Variants in PHF11 observed in about 807,000 individuals in gnomAD.
PHF11 encodes the protein PHD finger protein 11.
In PHF11, 38 loss-of-function variants were observed where a neutral mutation model predicts 40.5. The ratio of observed to expected loss-of-function variants is 0.94; its 90% CI spans 0.72 to 1.23. PHF11 has a LOEUF of 1.23. Ranked by LOEUF, PHF11 falls within the 50% of genes most tolerant of loss-of-function variation. PHF11 has a pLI of 0.00. For missense variants in PHF11, 369 were observed against 392.4 expected (o/e 0.94, Z 0.50); for synonymous variants, 127 against 138.2 (o/e 0.92, Z 0.57).
Position 49,498,627 on chromosome 13 carries a change from G to C in PHF11, c.94+2532G>C, listed in dbSNP as rs1958857652. 2.0e-5 allele frequency among the ~76,000 whole-genome samples: 3 copies of C among 152,144 alleles called. 1 individual carries two copies. In the South Asian group the frequency reaches 6.2e-4, roughly 31 times the overall value. Reference sequence around the variant, plus strand: ...TCTGACAGTAGCATAGTGCATTTCAGGTAGATCATTCTGACAGTAACGTAA... The same window carrying C: ...TCTGACAGTAGCATAGTGCATTTCACGTAGATCATTCTGACAGTAACGTAA... On this transcript the variant is annotated intron_variant, in intron 1 of 9. Transcript: ENST00000378319.
intron 5 of PHF11, chr13:49,521,527 C>A: frequency 1.0e-6 from 1 of 978,070 alleles, no homozygotes; most frequent in Non-Finnish European, 1.2e-6. Flanking sequence ...AATAGCACCT[C>A]TACAATCATT....
At chr13:49,496,788 C>T (rs555898002) in intron 1 of PHF11, among the ~76,000 whole-genome samples, 2 of 144,958 alleles carry the variant, frequency 1.4e-5, no homozygotes, top group African/African-American at 5.1e-5. Context: ...GACTCCCAGT[C>T]TTCAGGGAAA....
In PHF11 at chr13:49,524,193, T is replaced by C. The variant is rs752822066; in HGVS notation, c.746T>C (p.Met249Thr). The change falls in exon 8 of 10, where the codon ATG becomes ACG. Residue 249 changes from methionine (M) to threonine (T), a missense_variant. Physicochemically the swap from Met to Thr is moderately conservative, Grantham distance 81. Transcript: ENST00000378319. ...DKVHSIPEKL[M>T]DETTSESDYE... is the part of the protein sequence containing the mutation. The stretch of plus-strand genomic sequence containing the variant: ...GTTCATTCAATTCCAGAAAAACTCA[T>C]GGATGAGACTACTTCAGAATCAGGT... 4.3e-6 allele frequency: 7 copies of C among 1,609,462 alleles called. No homozygotes were observed. Among genetic ancestry groups the C allele is most frequent in the Non-Finnish European group, 5.9e-6 (7 of 1,176,868 alleles).
chr13:49,523,451 T>C (rs1030919625), intron 7 of PHF11: 3 of 558,736 alleles, frequency 5.4e-6, no homozygotes, highest in South Asian at 2.3e-5. Flanking sequence ...TTGCATTCAG[T>C]ATTAAGAAAA....
At chr13:49,497,089 G>A (rs1958825674) in intron 1 of PHF11, 2 of 1,282,934 alleles carry the variant, frequency 1.6e-6, no homozygotes, top group Non-Finnish European at 1.0e-6. Flanking sequence ...AAAGTTGAAG[G>A]GGTGTTCCCA....
At chr13:49,518,578 TTTACAAATGTTAACTCA>T in intron 4 of PHF11, 1 of 152,464 alleles carries the variant, frequency 6.6e-6, no homozygotes, top group Non-Finnish European at 1.5e-5. Flanking sequence ...TTCTAAGTGC[TTTACAAATGTTAACTCA>T]TTTAATCCTC....
chr13:49,507,356 T>TA (rs1189400754), intron 2 of PHF11, among the ~76,000 whole-genome samples: 1 of 152,242 alleles, frequency 6.6e-6, no homozygotes, highest in Non-Finnish European at 1.5e-5. Context: ...TCCTTCATTT[T>TA]AAATATGATG....
chr13:49,510,529 A>G (rs1959069228), intron 2 of PHF11, among the ~76,000 whole-genome samples: 1 of 151,900 alleles, frequency 6.6e-6, no homozygotes, highest in African/African-American at 2.4e-5. Flanking sequence ...CCAGGCTGGA[A>G]TGGAGTGGCA....
intron 8 of PHF11, among the ~76,000 whole-genome samples, chr13:49,525,541 C>A (rs1959236949): frequency 1.3e-5 from 2 of 152,154 alleles, no homozygotes; most frequent in Non-Finnish European, 1.5e-5. Flanking sequence ...AGTCACTGTG[C>A]CCAGCCTTAC....
chr13:49,523,923 G>C, intron 7 of PHF11, 162 bp from the exon 8 acceptor site: 1 of 425,702 alleles, frequency 2.3e-6, no homozygotes, highest in Non-Finnish European at 4.1e-6. Context: ...AAAAAAATGA[G>C]GTATGATGAA....
chr13:49,503,317 C>G (rs926289806), intron 1 of PHF11, among the ~76,000 whole-genome samples: 1 of 152,220 alleles, frequency 6.6e-6, no homozygotes, highest in Admixed American at 6.5e-5. Flanking sequence ...CCACGAGGAG[C>G]ACTTCCTCGG....
chr13:49,504,602 C>T (rs1958956380), intron 1 of PHF11, among the ~76,000 whole-genome samples: 1 of 144,754 alleles, frequency 6.9e-6, no homozygotes, highest in East Asian at 2.2e-4. Flanking sequence ...GGGGGGTCAG[C>T]CCCCCGCCCG....
Position 49,512,973 on chromosome 13 carries a change from G to T in PHF11, c.217-86G>T, listed in dbSNP as rs140377339. ...CCAGTCCATTTCCCACTCCTGGTTT[G>T]ATTTTCCACTTTTGGTATGATTTTC... On this transcript the variant is annotated intron_variant, in intron 2 of 9. Transcript: ENST00000378319. The T allele has an allele frequency of 8.8e-4, 621 of 703,934 alleles. 2 individuals are homozygous for T. In the African/African-American group the frequency reaches 9.9e-3, roughly 11 times the overall value. The allele number at this position is 703,934 out of a possible 1,614,324, so 43.6% of individuals were successfully genotyped here.
chr13:49,504,442 C>T (rs1426058495), intron 1 of PHF11, among the ~76,000 whole-genome samples: 1 of 151,720 alleles, frequency 6.6e-6, no homozygotes, highest in Admixed American at 6.6e-5. Context: ...AGTGACAGAG[C>T]GAGACTCTGT....
intron 3 of PHF11, among the ~76,000 whole-genome samples, chr13:49,517,604 T>C (rs2139062334): frequency 6.6e-6 from 1 of 151,264 alleles, no homozygotes; most frequent in South Asian, 2.1e-4. Context: ...GAAAGAGAAA[T>C]CACACCACTC....
chr13:49,496,536 C>T (rs970819007), intron 1 of PHF11: 27 of 772,690 alleles, frequency 3.5e-5, no homozygotes, highest in Non-Finnish European at 4.1e-5. Flanking sequence ...TCACGGAGGA[C>T]GTGACTGGAA....
intron 3 of PHF11, 150 bp from the exon 4 acceptor site, chr13:49,517,868 C>A: frequency 1.8e-6 from 1 of 566,046 alleles, no homozygotes; most frequent in Non-Finnish European, 3.2e-6. Context: ...AGTACTGTAC[C>A]CTAATGTTTG....
At chr13:49,519,484 G>T (rs897028676) in intron 4 of PHF11, among the ~76,000 whole-genome samples, 1 of 152,046 alleles carries the variant, frequency 6.6e-6, no homozygotes, top group African/African-American at 2.4e-5. Flanking sequence ...AGGAACAGGT[G>T]AATTTTTACG....
At position 49,528,743 on chromosome 13, in the gene PHF11, C is replaced by A. The variant is rs1959421433; in HGVS notation, c.*78C>A. 9.6e-7 allele frequency: 1 copy of A among 1,043,896 alleles called. No homozygotes were observed. The allele number at this position is 1,043,896 out of a possible 1,614,324, so 64.7% of individuals were successfully genotyped here. A position where few individuals can be genotyped will look rare whatever the true frequency, so the allele number is the denominator to read the frequency against. On this transcript the variant is annotated 3_prime_UTR_variant, in exon 10 of 10. Coordinates refer to ENST00000378319, the MANE Select transcript of PHF11 (RefSeq NM_001040443.3). ...ACCAGAGACCAGGCTGTGAAATCCA[C>A]ACATCTTTAGAACTAGTCGTCTCCT...
Sources: gnomAD v4.1 joint callset for allele counts (sites outside exome capture counted in the v4.1 genomes callset) on GRCh38, gnomAD v4.1.1 for gene constraint, MANE v1.5 for transcripts, NCBI Gene and HGNC (gene_info 2026-07-23, HGNC 2026-07-21) for gene names.